ADRA1A: variants seen among roughly 807,000 people sequenced by gnomAD.
ADRA1A encodes adrenoceptor alpha 1A, also known as alpha-1A adrenergic receptor.
In ADRA1A, 31 loss-of-function variants were observed where a neutral mutation model predicts 29.6. The observed-to-expected ratio is 1.05, with a 90% CI of 0.79 to 1.41. The LOEUF (loss-of-function observed/expected upper bound fraction) is 1.41. Among genes scored for constraint, ADRA1A ranks in the 40% most tolerant of loss-of-function variants. ADRA1A has a pLI of 0.00. For missense variants in ADRA1A, 619 were observed against 601.1 expected, an observed-to-expected ratio of 1.03 and a Z score of -0.31; for synonymous variants, 311 against 254.3, an observed-to-expected ratio of 1.22 and a Z score of -2.12.
In ADRA1A at chr8:26,825,912, A is replaced by G. The variant is rs540096732; in HGVS notation, c.883+38175T>C. Among the ~76,000 whole-genome samples the G allele has an allele frequency of 2.6e-5, 4 of 152,312 alleles. No individual in the cohort carries two copies. The highest frequency in any genetic ancestry group is 1.9e-4 in the East Asian group (1 of 5,174). ...CATGAGCCCCATTCCTTGAATTCCT[A>G]CAATGTCCCAAGTGCTGAGCTGGGC... is the stretch of plus-strand genomic sequence containing the variant. On this transcript the variant is annotated intron_variant, in intron 2 of 2. Transcript: ENST00000380573. This position sits in a 1 kb window ranked among gnomAD's most constrained non-coding sequence, Gnocchi z 5.7.
chr8:26,764,315 T>C (rs899527671), downstream of ADRA1A, among the ~76,000 whole-genome samples: 5 of 152,204 alleles, frequency 3.3e-5, no homozygotes, highest in Non-Finnish European at 5.9e-5. Flanking sequence ...CCTATTTCCT[T>C]GGCTCTGCTG....
chr8:26,783,916 A>T lies in ADRA1A; in HGVS notation c.884-13250T>A, dbSNP rs1368069094. Among the ~76,000 whole-genome samples the T allele has an allele frequency of 2.6e-5, 4 of 152,240 alleles. No homozygotes were observed. The East Asian group carries it at 7.7e-4, about 29-fold the overall frequency. ...GAGTTGGAACCTGTTATCATCAGCA[A>T]ACTAACGCAGGAACAGAAAACCAGA... is the stretch of plus-strand genomic sequence containing the variant. On this transcript the variant is annotated intron_variant, in intron 2 of 2. Coordinates refer to ENST00000380573, the MANE Select transcript of ADRA1A (RefSeq NM_000680.4).
chr8:26,800,985 A>G (rs1317291507), intron 2 of ADRA1A, among the ~76,000 whole-genome samples: 1 of 152,316 alleles, frequency 6.6e-6, no homozygotes, highest in East Asian at 1.9e-4. Context: ...ATTCATATCA[A>G]TCAGTGTGAT....
At chr8:26,760,661 T>C (rs1805461202) in intron 2 of ADRA1A, among the ~76,000 whole-genome samples, 1 of 152,196 alleles carries the variant, frequency 6.6e-6, no homozygotes, top group African/African-American at 2.4e-5. Flanking sequence ...GATTGGGCTC[T>C]GCTGTTGGTT....
chr8:26,780,820 C>A (rs933346790), intron 2 of ADRA1A, among the ~76,000 whole-genome samples: 1 of 152,186 alleles, frequency 6.6e-6, no homozygotes, highest in African/African-American at 2.4e-5. Flanking sequence ...CTATCGTGAA[C>A]TGCACATGTC....
At chr8:26,857,539 T>C (rs1813139335) in intron 2 of ADRA1A, among the ~76,000 whole-genome samples, 1 of 152,060 alleles carries the variant, frequency 6.6e-6, no homozygotes, top group South Asian at 2.1e-4. Context: ...GGCATGGTGG[T>C]GCATGCCTGT....
chr8:26,770,908 G>C (rs1390674480), intron 2 of ADRA1A, among the ~76,000 whole-genome samples: 1 of 152,184 alleles, frequency 6.6e-6, no homozygotes, highest in African/African-American at 2.4e-5. Context: ...CCAGTGGGTA[G>C]GGTTGCACTG....
chr8:26,828,658 A>G (rs1355065422), intron 2 of ADRA1A, among the ~76,000 whole-genome samples: 3 of 152,186 alleles, frequency 2.0e-5, no homozygotes, highest in Non-Finnish European at 4.4e-5. Flanking sequence ...TTCGCATAAT[A>G]TGACAACATT....
chr8:26,789,689 G>T (rs555609876), intron 2 of ADRA1A, among the ~76,000 whole-genome samples: 2 of 152,188 alleles, frequency 1.3e-5, no homozygotes, highest in African/African-American at 4.8e-5. Context: ...AAAACCTTCT[G>T]CACAGCAAAG....
chr8:26,805,468 C>T lies in ADRA1A; in HGVS notation c.884-34802G>A, dbSNP rs1424199059. On this transcript the variant is annotated intron_variant, in intron 2 of 2. Transcript: ENST00000380573. This position sits in a 1 kb window ranked among gnomAD's most constrained non-coding sequence, Gnocchi z 4.8. ...ACTCTGGGTAATACAAGACTGAATACTTACTGCGTGTCCACTCTATGCCCA... is the reference window on the plus strand; with the variant it reads ...ACTCTGGGTAATACAAGACTGAATATTTACTGCGTGTCCACTCTATGCCCA... Among the ~76,000 whole-genome samples the T allele has an allele frequency of 2.0e-5, 3 of 152,208 alleles. No homozygotes were observed. The highest frequency in any genetic ancestry group is 4.8e-5 in the African/African-American group (2 of 41,456).
rs149575931 is a variant in ADRA1A, at chr8:26,866,211, G to C, written c.-686-556C>G. 6.6e-6 allele frequency among the ~76,000 whole-genome samples: 1 copy of C among 152,306 alleles called. No homozygotes were observed. Among genetic ancestry groups the C allele is most frequent in the African/African-American group, 2.4e-5 (1 of 41,572 alleles). ...CGCACTCGGGTGTGCAGAGCGCACC[G>C]GTCTGTCCACCAGCCAAGCTGGCTT... On this transcript the variant is annotated intron_variant, in intron 1 of 2. Transcript: ENST00000380573. The surrounding 1 kb of genome is among the most constrained non-coding windows in gnomAD (Gnocchi z 5.7).
intron 2 of ADRA1A, among the ~76,000 whole-genome samples, chr8:26,801,434 A>G (rs1333382295): frequency 1.3e-5 from 2 of 152,230 alleles, no homozygotes; most frequent in African/African-American, 2.4e-5. Flanking sequence ...GTAAAATTGC[A>G]GGATACAAAA....
At chr8:26,840,297 T>C (rs61761858) in intron 2 of ADRA1A, among the ~76,000 whole-genome samples, 1 of 152,174 alleles carries the variant, frequency 6.6e-6, no homozygotes, top group Non-Finnish European at 1.5e-5. Context: ...TGCTGGGGTT[T>C]GGGAAAGTAG....
At position 26,824,934 on chromosome 8, in the gene ADRA1A, A is replaced by G. The variant is rs1002574227; in HGVS notation, c.883+39153T>C. Among the ~76,000 whole-genome samples, 4 of 152,184 alleles carry G rather than the reference A, an allele frequency of 2.6e-5. No individual in the cohort carries two copies. In the South Asian group the frequency reaches 6.2e-4, roughly 24 times the overall value. The stretch of plus-strand genomic sequence containing the variant: ...GCATGAGTATGTCTGCCTCTTAATC[A>G]TCTGCAGAAAGAGAAGGCAGCTTCC... On this transcript the variant is annotated intron_variant, in intron 2 of 2. Coordinates refer to ENST00000380573, the MANE Select transcript of ADRA1A (RefSeq NM_000680.4).
intron 2 of ADRA1A, among the ~76,000 whole-genome samples, chr8:26,838,786 G>A (rs1319094952): frequency 6.6e-6 from 1 of 152,190 alleles, no homozygotes; most frequent in Admixed American, 6.5e-5. Flanking sequence ...TGTAGCTTTG[G>A]CCTTAGATGT....
downstream of ADRA1A, among the ~76,000 whole-genome samples, chr8:26,767,710 G>A (rs1209735466): frequency 2.0e-5 from 3 of 152,152 alleles, no homozygotes; most frequent in South Asian, 4.1e-4. Context: ...TGTCTGTAAA[G>A]GTGTTTAAAG....
chr8:26,833,226 G>A (rs1811114121), intron 2 of ADRA1A, among the ~76,000 whole-genome samples: 1 of 152,054 alleles, frequency 6.6e-6, no homozygotes, highest in Non-Finnish European at 1.5e-5. Flanking sequence ...TCTCAGCCTG[G>A]GCAGTTACAG....
chr8:26,776,417 C>T (rs1281877930), intron 2 of ADRA1A, among the ~76,000 whole-genome samples: 1 of 152,198 alleles, frequency 6.6e-6, no homozygotes, highest in African/African-American at 2.4e-5. Context: ...CTATGGTAAA[C>T]CCTACTTAGC....
chr8:26,865,133 C>G lies in ADRA1A; in HGVS notation c.-164G>C, dbSNP rs905184964. The G allele has an allele frequency of 6.2e-6, 9 of 1,451,636 alleles. No homozygotes were observed. The highest frequency in any genetic ancestry group is 2.6e-4 in the Middle Eastern group (1 of 3,908). 89.9% of individuals were successfully genotyped at this position (1,451,636 alleles called of 1,614,324 possible). On this transcript the variant is annotated 5_prime_UTR_variant, in exon 2 of 3. Transcript: ENST00000380573. This position sits in a 1 kb window ranked among gnomAD's most constrained non-coding sequence, Gnocchi z 7.6. ...AGCGCGCGCGCGGGTGGGAAACAAC[C>G]CTGGCCAGCCCTGGGAACCCTCAGA... is the stretch of plus-strand genomic sequence containing the variant.
Sources: gnomAD v4.1 joint callset for allele counts (sites outside exome capture counted in the v4.1 genomes callset) on GRCh38, gnomAD v4.1.1 for gene constraint, Gnocchi (gnomAD v3.1) non-coding constraint, MANE v1.5 for transcripts, NCBI Gene and HGNC (gene_info 2026-07-23, HGNC 2026-07-21) for gene names.